Variants in CRYM observed in about 807,000 individuals in gnomAD.
CRYM encodes crystallin mu.
A neutral mutation model predicts 32.9 loss-of-function variants in CRYM; 18 were observed. That is an observed-to-expected ratio of 0.55 (90% CI 0.38 to 0.81). CRYM has a LOEUF of 0.81. Ranked by LOEUF, CRYM falls within the 30% of genes least tolerant of loss-of-function variation. The pLI is 0.00. For missense variants in CRYM, 337 were observed against 393.5 expected (o/e 0.86, Z 1.21); for synonymous variants, 153 against 152.4 (o/e 1.00, Z -0.03).
chr16:21,261,839 G>C, intron 6 of CRYM, 198 bp downstream of exon 6: 1 of 596,654 alleles, frequency 1.7e-6, no homozygotes, highest in Non-Finnish European at 3.0e-6. Flanking sequence ...GAACACACAT[G>C]TCACCACCCA....
At chr16:21,283,122 C>CT (rs2093401082), upstream of CRYM, among the ~76,000 whole-genome samples, 1 of 152,150 alleles carries the variant, frequency 6.6e-6, no homozygotes, top group South Asian at 2.1e-4. Flanking sequence ...AAGTTCCCTG[C>CT]TAACCCCTAA....
rs199737459 is a variant in CRYM, at chr16:21,273,322, T to C, written c.387+2210A>G. 8.5e-5 allele frequency among the ~76,000 whole-genome samples: 13 copies of C among 152,226 alleles called. No individual in the cohort carries two copies. The East Asian group carries it at 2.1e-3, about 25-fold the overall frequency. ...TCTACTCTCAAGGCAACAAGTAAAATAGACCCTTTGTTCCTTATTGAAACA... is the reference window on the plus strand; with the variant it reads ...TCTACTCTCAAGGCAACAAGTAAAACAGACCCTTTGTTCCTTATTGAAACA... On this transcript the variant is annotated intron_variant, in intron 3 of 7. Transcript: ENST00000572914.
At chr16:21,298,628 G>A (rs1006490434) in intron 1 of CRYM, among the ~76,000 whole-genome samples, 3 of 152,148 alleles carry the variant, frequency 2.0e-5, no homozygotes, top group African/African-American at 7.2e-5. Context: ...ATGATAAAAA[G>A]GGAACTGTTA....
chr16:21,271,860 A>T (rs2629092), intron 3 of CRYM, among the ~76,000 whole-genome samples: 47,924 of 151,694 alleles, frequency 0.32, 8,969 homozygotes, highest in African/African-American at 0.53. Context: ...TGATATTTTT[A>T]AAATTTTTTT....
In CRYM at chr16:21,278,290, C is replaced by G; in HGVS notation, c.-39G>C. 1.3e-6 allele frequency: 2 copies of G among 1,559,672 alleles called. No individual in the cohort carries two copies. Among genetic ancestry groups the G allele is most frequent in the Non-Finnish European group, 8.6e-7 (1 of 1,158,888 alleles). On this transcript the variant is annotated 5_prime_UTR_variant, in exon 1 of 8. Transcript: ENST00000572914. ...CCTTCTAACCTCAGTCTCCGCACCG[C>G]GATCCACGTACCCTCGGCTGTGCCC...
intron 1 of CRYM, 54 bp downstream of exon 1, chr16:21,278,028 C>T: frequency 4.0e-6 from 6 of 1,514,634 alleles, no homozygotes; most frequent in Non-Finnish European, 5.3e-6. Context: ...TCCTGCTCCT[C>T]CTTTCCCCGC....
Position 21,273,054 on chromosome 16 carries a change from C to T in CRYM, c.387+2478G>A, listed in dbSNP as rs556202161. 2.0e-3 allele frequency among the ~76,000 whole-genome samples: 301 copies of T among 152,062 alleles called. 1 individual carries two copies. The highest frequency in any genetic ancestry group is 6.8e-3 in the African/African-American group (283 of 41,474). Reference sequence around the variant, plus strand: ...CAAGTACTGTATCTGGTTTTGCTTACCCCATGCTGAGCGCAGAACCTTGCA... The same window carrying T: ...CAAGTACTGTATCTGGTTTTGCTTATCCCATGCTGAGCGCAGAACCTTGCA... On this transcript the variant is annotated intron_variant, in intron 3 of 7. Coordinates refer to ENST00000572914, the MANE Select transcript of CRYM (RefSeq NM_001376256.1).
Position 21,277,557 on chromosome 16 carries a change from A to G in CRYM, c.198T>C (p.Ser66=), listed in dbSNP as rs757392148. 2 of 1,613,926 alleles carry G rather than the reference A, an allele frequency of 1.2e-6. No individual in the cohort carries two copies. The highest frequency in any genetic ancestry group is 3.3e-5 in the Admixed American group (2 of 60,022). The change falls in exon 2 of 8, where the codon AGT becomes AGC. Residue 66 remains serine (S), a synonymous_variant. Transcript: ENST00000572914. The surrounding 1 kb of genome is among the most constrained non-coding windows in gnomAD (Gnocchi z 4.2). ...RGYLGVMPAY[S]AAEDALTTKL... is the part of the protein sequence containing the mutation. Reference sequence around the variant, plus strand: ...TGGTGGTCAGTGCATCCTCTGCAGCACTGTAGGCGGGCATGACCCCCAGGT... The same window carrying G: ...TGGTGGTCAGTGCATCCTCTGCAGCGCTGTAGGCGGGCATGACCCCCAGGT...
At chr16:21,290,930 A>C (rs1043491676) in intron 1 of CRYM, among the ~76,000 whole-genome samples, 2 of 152,224 alleles carry the variant, frequency 1.3e-5, no homozygotes, top group African/African-American at 4.8e-5. Flanking sequence ...TTCGCATGAG[A>C]TGACAGGAAG....
At chr16:21,292,985 C>T (rs150968162) in intron 1 of CRYM, among the ~76,000 whole-genome samples, 6 of 150,284 alleles carry the variant, frequency 4.0e-5, no homozygotes, top group Non-Finnish European at 8.9e-5. Context: ...GATGGATGAA[C>T]GGATGGATGG....
At chr16:21,278,302 C>A (rs1234026558), upstream of CRYM, 2 of 1,545,302 alleles carry the variant, frequency 1.3e-6, no homozygotes, top group Admixed American at 1.9e-5. Flanking sequence ...ATCCACGTAC[C>A]CTCGGCTGTG....
chr16:21,259,345 C>T (rs1286373893), intron 7 of CRYM, among the ~76,000 whole-genome samples: 3 of 151,608 alleles, frequency 2.0e-5, no homozygotes, highest in African/African-American at 7.3e-5. Flanking sequence ...TGACCTCAGG[C>T]GATCCGCCCA....
In CRYM at chr16:21,267,721, C is replaced by T. The variant is rs754271922; in HGVS notation, c.506G>A (p.Arg169His). 5.0e-6 allele frequency: 8 copies of T among 1,614,082 alleles called. No individual in the cohort carries two copies. The highest frequency in any genetic ancestry group is 3.3e-5 in the Admixed American group (2 of 60,002). The change falls in exon 5 of 8, where the codon CGC becomes CAC. Residue 169 changes from arginine (R) to histidine (H), a missense_variant. By Grantham distance (29) the Arg-to-His change is conservative. Coordinates refer to ENST00000572914, the MANE Select transcript of CRYM (RefSeq NM_001376256.1). ...FSFKEVRIWN[R>H]TKENAEKFAD... The stretch of plus-strand genomic sequence containing the variant: ...AAACTTCTCTGCATTTTCTTTGGTG[C>T]GGTTCCATATCCTCACCTTCATTGG...
intron 1 of CRYM, among the ~76,000 whole-genome samples, chr16:21,296,042 T>A (rs931776184): frequency 1.3e-5 from 2 of 152,192 alleles, no homozygotes; most frequent in African/African-American, 4.8e-5. Context: ...ATTAAAAGAT[T>A]ATAATTGAAC....
upstream of CRYM, chr16:21,278,362 C>T (rs2093392013): frequency 1.4e-6 from 2 of 1,403,904 alleles, no homozygotes; most frequent in South Asian, 2.5e-5. Flanking sequence ...CTGGTCACAG[C>T]CCAGCCTCCG....
At chr16:21,263,301 T>C (rs910203843) in intron 5 of CRYM, among the ~76,000 whole-genome samples, 1 of 152,134 alleles carries the variant, frequency 6.6e-6, no homozygotes, top group Non-Finnish European at 1.5e-5. Context: ...CCTGGGAGGC[T>C]GAGGCAGGAG....
chr16:21,263,453 G>A (rs894048951), intron 5 of CRYM, among the ~76,000 whole-genome samples: 3 of 151,986 alleles, frequency 2.0e-5, no homozygotes, highest in African/African-American at 7.2e-5. Flanking sequence ...GAGCTCAAGT[G>A]ATCCTCCCGC....
At chr16:21,291,063 A>G (rs1379103538) in intron 1 of CRYM, among the ~76,000 whole-genome samples, 1 of 152,236 alleles carries the variant, frequency 6.6e-6, no homozygotes, top group African/African-American at 2.4e-5. Flanking sequence ...GTTTGTGAGA[A>G]TAATGTTACA....
chr16:21,261,447 TAAAAAAA>T, intron 6 of CRYM, 109 bp from the exon 7 acceptor site: 1 of 595,748 alleles, frequency 1.7e-6, no homozygotes, highest in South Asian at 1.9e-5. Context: ...TAAATTTGAT[TAAAAAAA>T]AAAAAAAAAA....
Sources: allele counts gnomAD v4.1 joint callset (sites outside exome capture counted in the v4.1 genomes callset), GRCh38; gene constraint gnomAD v4.1.1; non-coding constraint Gnocchi (gnomAD v3.1); transcripts MANE v1.5; gene names NCBI Gene and HGNC (gene_info 2026-07-23, HGNC 2026-07-21).